KLHL2: variants seen among roughly 807,000 people sequenced by gnomAD.
The protein encoded by KLHL2 is kelch-like protein 2.
KLHL2 carries 15 observed loss-of-function variants against 75.8 expected under a neutral mutation model. The ratio of observed to expected loss-of-function variants is 0.20; its 90% confidence interval spans 0.13 to 0.30. KLHL2 has a LOEUF of 0.30. Among genes scored for constraint, KLHL2 ranks in the 10% least tolerant of loss-of-function variants. The pLI is 1.00. For synonymous variants in KLHL2, 214 were observed against 251.9 expected, an observed-to-expected ratio of 0.85 and a Z score of 1.42; for missense variants, 381 against 741.0, an observed-to-expected ratio of 0.51 and a Z score of 5.64.
At chr4:165,255,725 A>C (rs1741114458) in intron 4 of KLHL2, among the ~76,000 whole-genome samples, 1 of 151,956 alleles carries the variant, frequency 6.6e-6, no homozygotes, top group African/African-American at 2.4e-5. Context: ...TCATCTTCTA[A>C]ACACATCACC....
intron 1 of KLHL2, among the ~76,000 whole-genome samples, chr4:165,211,446 C>T (rs147457561): frequency 1.2e-4 from 19 of 152,266 alleles, no homozygotes; most frequent in South Asian, 6.2e-4. Context: ...ATTTGCAGTC[C>T]GCTGGACCGG....
chr4:165,310,558 G>A lies in KLHL2; in HGVS notation c.1045G>A (p.Val349Ile). 6.2e-7 allele frequency: 1 copy of A among 1,613,690 alleles called. No individual in the cohort carries two copies. Among genetic ancestry groups the A allele is most frequent in the African/African-American group, 1.3e-5 (1 of 75,020 alleles). ...ATGCTGTACTCCTTTTGCAGGCATG[G>A]TCTACATGGCTGGACTTGTTTTTGC... The part of the protein sequence containing the change: ...LPSRRCRAGM[V>I]YMAGLVFAVG... The change falls in exon 10 of 15, where the codon GTC (valine) becomes ATC (isoleucine). Residue 349 changes from valine to isoleucine, a missense_variant. Physicochemically the swap from Val to Ile is conservative, Grantham distance 29 (BLOSUM62 3). This residue lies in a region of KLHL2 where 168 missense variants were observed against 370.4 expected (regional missense o/e 0.45). Transcript: ENST00000226725.
chr4:165,288,539 A>G (rs1744256690), intron 5 of KLHL2, among the ~76,000 whole-genome samples: 1 of 152,194 alleles, frequency 6.6e-6, no homozygotes, highest in African/African-American at 2.4e-5. Flanking sequence ...TTCTAAGCTG[A>G]CAGTATTTCC....
At chr4:165,210,031 G>A in intron 1 of KLHL2, 2 of 1,543,184 alleles carry the variant, frequency 1.3e-6, no homozygotes, top group South Asian at 2.4e-5. Flanking sequence ...TGCCAGAGCT[G>A]GGCTAGAACA....
rs201438787 is a variant in KLHL2 at position 165,234,419 on chromosome 4, TC to T, written c.260-4358del. Among the ~76,000 whole-genome samples the T allele has an allele frequency of 7.4e-3, 1,127 of 152,320 alleles. 17 individuals are homozygous for T. Among genetic ancestry groups the T allele is most frequent in the African/African-American group, 0.026 (1,068 of 41,574 alleles). On this transcript the variant is annotated intron_variant, in intron 3 of 14. Coordinates refer to ENST00000226725, the MANE Select transcript of KLHL2 (RefSeq NM_007246.4). ...TTCTGTGTTACACTTTTATTTTTTT[TC>T]AGATGTTTTGTGTGCTAAATAACTG...
At chr4:165,222,125 G>T (rs1560980086) in intron 2 of KLHL2, among the ~76,000 whole-genome samples, 1 of 152,104 alleles carries the variant, frequency 6.6e-6, no homozygotes, top group Non-Finnish European at 1.5e-5. Context: ...TCACTAAACT[G>T]CAGGGAAGGT....
chr4:165,235,163 T>C (rs1739231633), intron 3 of KLHL2, among the ~76,000 whole-genome samples: 1 of 152,282 alleles, frequency 6.6e-6, no homozygotes. Flanking sequence ...GTAAAAATGC[T>C]ATATTTTATG....
chr4:165,285,013 C>T lies in KLHL2; in HGVS notation c.545-9346C>T, dbSNP rs151173194. ...ACCTGCCCACATAATTCAATCATCT[C>T]CCACCAGGTCCCTCCCACAACACAT... On this transcript the variant is annotated intron_variant, in intron 5 of 14. Transcript: ENST00000226725. Among the ~76,000 whole-genome samples, 1,002 of 152,268 alleles carry T rather than the reference C, an allele frequency of 6.6e-3. 14 individuals carry two copies. Among genetic ancestry groups the T allele is most frequent in the African/African-American group, 0.023 (947 of 41,556 alleles).
intron 4 of KLHL2, among the ~76,000 whole-genome samples, chr4:165,262,745 A>T (rs968960225): frequency 1.3e-5 from 2 of 151,922 alleles, no homozygotes; most frequent in African/African-American, 4.8e-5. Context: ...CACCAGGCTA[A>T]TTTTTATATT....
intron 7 of KLHL2, among the ~76,000 whole-genome samples, chr4:165,298,274 T>G (rs74991167): frequency 1.3e-4 from 11 of 87,888 alleles, no homozygotes; most frequent in Non-Finnish European, 3.3e-4. Flanking sequence ...TCTTCTTTAC[T>G]GTTTTTTTCT....
chr4:165,237,941 C>A (rs61543782), intron 3 of KLHL2, among the ~76,000 whole-genome samples: 1 of 152,176 alleles, frequency 6.6e-6, no homozygotes, highest in Non-Finnish European at 1.5e-5. Flanking sequence ...TCCTACTCTC[C>A]CCAAGTCTCC....
chr4:165,276,281 T>A (rs1203633778), intron 5 of KLHL2, among the ~76,000 whole-genome samples: 2 of 152,236 alleles, frequency 1.3e-5, no homozygotes, highest in Admixed American at 1.3e-4. Flanking sequence ...CCCCTCACTG[T>A]CCAGCTTCTG....
chr4:165,244,172 A>G (rs1400157005), intron 4 of KLHL2, among the ~76,000 whole-genome samples: 1 of 151,778 alleles, frequency 6.6e-6, no homozygotes, highest in Non-Finnish European at 1.5e-5. Flanking sequence ...GAAAACATTT[A>G]TTTTTTTTCC....
At chr4:165,233,693 G>A (rs1739094692) in intron 3 of KLHL2, among the ~76,000 whole-genome samples, 2 of 152,178 alleles carry the variant, frequency 1.3e-5, no homozygotes, top group Non-Finnish European at 2.9e-5. Flanking sequence ...AAACAGATAA[G>A]TTCCTGTTCT....
intron 2 of KLHL2, among the ~76,000 whole-genome samples, chr4:165,227,688 GC>G (rs1344197746): frequency 6.6e-6 from 1 of 152,102 alleles, no homozygotes; most frequent in Non-Finnish European, 1.5e-5. Context: ...AGGCTTTGGA[GC>G]CTTTTTGCTT....
chr4:165,309,627 A>T (rs562255899), intron 9 of KLHL2, among the ~76,000 whole-genome samples: 1 of 152,310 alleles, frequency 6.6e-6, no homozygotes. Context: ...TTCCAATAAA[A>T]CTATATTTAT....
intron 4 of KLHL2, among the ~76,000 whole-genome samples, chr4:165,253,815 A>T (rs1579049260): frequency 6.6e-6 from 1 of 152,324 alleles, no homozygotes; most frequent in East Asian, 1.9e-4. Context: ...CTTCCTCATA[A>T]CATATTTGTG....
At position 165,305,523 on chromosome 4, in the gene KLHL2, CCCACA is replaced by C; in HGVS notation, c.922-81_922-77del. The C allele has an allele frequency of 3.7e-6, 4 of 1,091,590 alleles. No individual in the cohort carries two copies. The South Asian group carries it at 5.1e-5, about 14-fold the overall frequency. 67.6% of individuals were successfully genotyped at this position (1,091,590 alleles called of 1,614,324 possible). On this transcript the variant is annotated intron_variant, in intron 8 of 14. Coordinates refer to ENST00000226725, the MANE Select transcript of KLHL2 (RefSeq NM_007246.4). Reference sequence around the variant, plus strand: ...CCCTATCATCTTCATCCTAACACTTCCCACACCAGTGTCTTTGTAGGACATTTTAA... The same window carrying C: ...CCCTATCATCTTCATCCTAACACTTCCCAGTGTCTTTGTAGGACATTTTAA...
At chr4:165,282,489 C>T (rs1213782283) in intron 5 of KLHL2, among the ~76,000 whole-genome samples, 1 of 152,090 alleles carries the variant, frequency 6.6e-6, no homozygotes, top group African/African-American at 2.4e-5. Context: ...CTGTTCTGTT[C>T]TGTCCAGATC....
Sources: gnomAD v4.1 joint callset for allele counts (sites outside exome capture counted in the v4.1 genomes callset) on GRCh38, gnomAD v4.1.1 for gene constraint, gnomAD v4.1.1 regional missense constraint, MANE v1.5 for transcripts, NCBI Gene and HGNC (gene_info 2026-07-23, HGNC 2026-07-21) for gene names.